SUGCT: variants seen among roughly 807,000 people sequenced by gnomAD.
SUGCT encodes the protein succinyl-CoA:glutarate-CoA transferase, also known as succinyl-CoA:glutarate CoA-transferase.
In SUGCT, 41 loss-of-function variants were observed where a neutral mutation model predicts 55.0. That is an observed-to-expected ratio of 0.74 (90% CI 0.58 to 0.97). The LOEUF is 0.97. Among genes scored for constraint, SUGCT ranks in the 50% least tolerant of loss-of-function variants. The pLI is 0.00. For missense variants in SUGCT, 568 were observed against 547.8 expected (o/e 1.04, Z -0.37); for synonymous variants, 187 against 200.4 (o/e 0.93, Z 0.56).
chr7:40,602,741 T>C (rs1798353754), intron 12 of SUGCT, among the ~76,000 whole-genome samples: 1 of 152,188 alleles, frequency 6.6e-6, no homozygotes, highest in African/African-American at 2.4e-5. Flanking sequence ...TTTCCTTCCC[T>C]TCTGGGATCT....
At chr7:40,961,900 A>G in the SUGCT span, among the ~76,000 whole-genome samples, 1 of 152,190 alleles carries the variant, frequency 6.6e-6, no homozygotes, top group Non-Finnish European at 1.5e-5. Flanking sequence ...TTCACAGTGA[A>G]TGTTACAGCT....
chr7:41,036,440 C>T, the SUGCT span, among the ~76,000 whole-genome samples: 2 of 152,080 alleles, frequency 1.3e-5, no homozygotes, highest in East Asian at 1.9e-4. Flanking sequence ...AGTTTAATGA[C>T]TACTTTCATT....
intron 7 of SUGCT, among the ~76,000 whole-genome samples, chr7:40,257,107 C>G (rs529453325): frequency 6.6e-6 from 1 of 151,932 alleles, no homozygotes; most frequent in Non-Finnish European, 1.5e-5. Flanking sequence ...TGCAGTGGTG[C>G]GATCTTGGTT....
At chr7:40,198,646 A>G (rs184291073) in intron 6 of SUGCT, among the ~76,000 whole-genome samples, 3,559 of 142,884 alleles carry the variant, frequency 0.025, 65 homozygotes, top group Non-Finnish European at 0.036. Context: ...GGATCACCTG[A>G]GGTCAGGAGT....
At chr7:40,362,062 A>G (rs1181490508) in intron 9 of SUGCT, among the ~76,000 whole-genome samples, 2 of 152,044 alleles carry the variant, frequency 1.3e-5, no homozygotes, top group Non-Finnish European at 2.9e-5. Flanking sequence ...AAGGAGTTCA[A>G]GGAAAGAAAA....
At chr7:40,773,404 C>T (rs972325908) in intron 13 of SUGCT, among the ~76,000 whole-genome samples, 3 of 152,184 alleles carry the variant, frequency 2.0e-5, no homozygotes, top group Admixed American at 6.5e-5. Flanking sequence ...GCTGTGATTA[C>T]AGGCGTGAGC....
intron 13 of SUGCT, among the ~76,000 whole-genome samples, chr7:40,854,482 CTCTCTT>C (rs1563050993): frequency 1.0e-5 from 1 of 100,168 alleles, no homozygotes; most frequent in Non-Finnish European, 2.2e-5. Flanking sequence ...CTTTCTCTTT[CTCTCTT>C]TCTTTCTTTC....
At position 40,283,889 on chromosome 7, in the gene SUGCT, T is replaced by C. The variant is rs561152914; in HGVS notation, c.720+9233T>C. Among the ~76,000 whole-genome samples, 3 of 152,168 alleles carry C rather than the reference T, an allele frequency of 2.0e-5. No individual in the cohort carries two copies. In the South Asian group the frequency reaches 6.2e-4, roughly 32 times the overall value. ...ATGCATTTTCATGTTCGCTGCAGCA[T>C]TGGAATCAATCTAAATGTAAATAAT... On this transcript the variant is annotated intron_variant, in intron 8 of 13. Transcript: ENST00000335693.
At chr7:40,780,251 T>C (rs1789666747) in intron 13 of SUGCT, among the ~76,000 whole-genome samples, 1 of 152,178 alleles carries the variant, frequency 6.6e-6, no homozygotes, top group Admixed American at 6.5e-5. Context: ...TATTTCCTTT[T>C]TATAATCGTG....
At chr7:40,935,222 AGTCT>A in the SUGCT span, among the ~76,000 whole-genome samples, 8 of 152,316 alleles carry the variant, frequency 5.3e-5, no homozygotes, top group East Asian at 3.9e-4. Flanking sequence ...TAATTTTGGC[AGTCT>A]GTCTAATTTT....
At chr7:40,444,103 C>T (rs887671202) in intron 9 of SUGCT, among the ~76,000 whole-genome samples, 1 of 152,014 alleles carries the variant, frequency 6.6e-6, no homozygotes, top group Non-Finnish European at 1.5e-5. Flanking sequence ...GGTACCAGTA[C>T]CATGCTGTTT....
intron 13 of SUGCT, among the ~76,000 whole-genome samples, chr7:40,843,684 G>A (rs4265100): frequency 2.0e-5 from 3 of 151,832 alleles, no homozygotes; most frequent in Non-Finnish European, 4.4e-5. Flanking sequence ...GCCAGTGTGG[G>A]TGGGGCAGAC....
chr7:40,261,642 C>CT (rs1232682188), intron 7 of SUGCT, among the ~76,000 whole-genome samples: 2 of 152,140 alleles, frequency 1.3e-5, no homozygotes, highest in African/African-American at 4.8e-5. Flanking sequence ...AGCATCTCTC[C>CT]TAGATGACTT....
chr7:40,985,950 T>C, the SUGCT span, among the ~76,000 whole-genome samples: 201 of 152,324 alleles, frequency 1.3e-3, no homozygotes, highest in Non-Finnish European at 2.4e-3. Context: ...GATATGAAAA[T>C]GTGTGGAAAT....
intron 12 of SUGCT, among the ~76,000 whole-genome samples, chr7:40,574,648 T>C (rs1206120528): frequency 1.3e-5 from 2 of 152,188 alleles, no homozygotes; most frequent in Non-Finnish European, 2.9e-5. Flanking sequence ...GCCAGGCTGG[T>C]CTCGACCTCG....
intron 9 of SUGCT, among the ~76,000 whole-genome samples, chr7:40,437,577 A>G (rs1372821844): frequency 6.6e-6 from 1 of 152,126 alleles, no homozygotes; most frequent in African/African-American, 2.4e-5. Context: ...CATAGATGAC[A>G]CTGTTCTTAA....
chr7:40,342,788 G>A (rs751729165), intron 9 of SUGCT, among the ~76,000 whole-genome samples: 8 of 151,946 alleles, frequency 5.3e-5, no homozygotes, highest in Non-Finnish European at 1.0e-4. Context: ...GATTACAGGC[G>A]CCTGCCCCCA....
intron 8 of SUGCT, among the ~76,000 whole-genome samples, chr7:40,285,251 C>T (rs955907987): frequency 2.0e-5 from 3 of 152,006 alleles, no homozygotes; most frequent in African/African-American, 7.2e-5. Flanking sequence ...TTGATGTTAA[C>T]ATGTATTTCC....
intron 9 of SUGCT, among the ~76,000 whole-genome samples, chr7:40,375,472 A>G (rs1583545229): frequency 6.6e-6 from 1 of 152,316 alleles, no homozygotes; most frequent in East Asian, 1.9e-4. Flanking sequence ...ATTTGAAATT[A>G]GGAGTTTCTC....
Sources: allele counts gnomAD v4.1 joint callset (sites outside exome capture counted in the v4.1 genomes callset), GRCh38; gene constraint gnomAD v4.1.1; transcripts MANE v1.5; gene names NCBI Gene and HGNC (gene_info 2026-07-23, HGNC 2026-07-21).